Variants in TNS3 observed in about 807,000 individuals in gnomAD.
TNS3 encodes the protein tensin 3, also known as tensin-3.
In TNS3, 45 loss-of-function variants were observed where a neutral mutation model predicts 140.9. The observed-to-expected ratio is 0.32, with a 90% CI of 0.25 to 0.41. The LOEUF is 0.41. Ranked by LOEUF, TNS3 falls within the 10% of genes least tolerant of loss-of-function variation. The probability of loss-of-function intolerance (pLI) is 1.00; values close to 1 mark genes in which losing one functional copy is unlikely to be tolerated. For missense variants in TNS3, 1,716 were observed against 1,906.7 expected (o/e 0.90, Z 1.86); for synonymous variants, 815 against 788.4 (o/e 1.03, Z -0.56).
chr7:47,389,498 A>G (rs778402406), intron 16 of TNS3, among the ~76,000 whole-genome samples: 2 of 152,188 alleles, frequency 1.3e-5, no homozygotes, highest in African/African-American at 2.4e-5. Flanking sequence ...ACAACATACA[A>G]CTTGAGCCAA....
rs551771983 is a variant in TNS3, at chr7:47,358,715, A to G, written c.2281+9650T>C. On this transcript the variant is annotated intron_variant, in intron 17 of 30. Coordinates refer to ENST00000311160, the MANE Select transcript of TNS3 (RefSeq NM_022748.12). Reference sequence around the variant, plus strand: ...TGAGGCCCATGTCAAGCCACAATGCAGTGGACATGTGGCATGATTGGAAAA... The same window carrying G: ...TGAGGCCCATGTCAAGCCACAATGCGGTGGACATGTGGCATGATTGGAAAA... Among the ~76,000 whole-genome samples, 24 of 152,334 alleles carry G rather than the reference A, an allele frequency of 1.6e-4. 1 individual carries two copies. The South Asian group carries it at 4.8e-3, about 30-fold the overall frequency.
At chr7:47,463,255 G>A (rs1214727200) in intron 4 of TNS3, among the ~76,000 whole-genome samples, 6 of 152,138 alleles carry the variant, frequency 3.9e-5, no homozygotes, top group African/African-American at 1.4e-4. Context: ...GACCAGCCTG[G>A]CCAATGTGGT....
At chr7:47,414,097 C>G (rs1375717557) in intron 11 of TNS3, 100 bp from the exon 12 acceptor site, 70 of 1,271,548 alleles carry the variant, frequency 5.5e-5, no homozygotes, top group Non-Finnish European at 7.7e-5. Context: ...GACCAGGAGA[C>G]TGCACCTGCG....
At chr7:47,538,285 A>T (rs1186195983) in intron 1 of TNS3, among the ~76,000 whole-genome samples, 1 of 152,052 alleles carries the variant, frequency 6.6e-6, no homozygotes, top group African/African-American at 2.4e-5. Context: ...GTCTAAAACT[A>T]AAAGAACATG....
At chr7:47,371,527 A>G (rs555539134) in intron 16 of TNS3, among the ~76,000 whole-genome samples, 2 of 152,272 alleles carry the variant, frequency 1.3e-5, no homozygotes, top group East Asian at 3.9e-4. Flanking sequence ...ACACACCTGG[A>G]GGCTCTGTCA....
At chr7:47,443,312 C>T (rs2151586101) in intron 4 of TNS3, among the ~76,000 whole-genome samples, 1 of 152,332 alleles carries the variant, frequency 6.6e-6, no homozygotes, top group Non-Finnish European at 1.5e-5. Context: ...ATGGCCACTG[C>T]CCGTGCTGGG....
intron 2 of TNS3, among the ~76,000 whole-genome samples, chr7:47,522,634 TAA>T (rs568654468): frequency 6.6e-6 from 1 of 152,198 alleles, no homozygotes; most frequent in Non-Finnish European, 1.5e-5. Context: ...ATGTTTTTTA[TAA>T]AGAGTTTCTA....
intron 16 of TNS3, among the ~76,000 whole-genome samples, chr7:47,381,288 T>G (rs1488593186): frequency 6.6e-6 from 1 of 152,206 alleles, no homozygotes; most frequent in Admixed American, 6.5e-5. Context: ...CTGTCTTTTG[T>G]GCGGGATGTG....
Position 47,451,884 on chromosome 7 carries a change from G to A in TNS3, c.-75-9829C>T, listed in dbSNP as rs950313387. On this transcript the variant is annotated intron_variant, in intron 4 of 30. Coordinates refer to ENST00000311160, the MANE Select transcript of TNS3 (RefSeq NM_022748.12). ...GATTCCTCCACCACCCAGCACATAC[G>A]ACTTGGGGGTTCAGCACACACTCTT... is the stretch of plus-strand genomic sequence containing the variant. Among the ~76,000 whole-genome samples, 5 of 152,068 alleles carry A rather than the reference G, an allele frequency of 3.3e-5. No homozygotes were observed. The South Asian group carries it at 1.0e-3, about 32-fold the overall frequency.
upstream of TNS3, chr7:47,582,301 G>C (rs1320908529): frequency 5.2e-6 from 2 of 386,010 alleles, no homozygotes; most frequent in African/African-American, 4.2e-5. Context: ...CCGCCCTGCC[G>C]AGGTGCGCCC....
intron 3 of TNS3, among the ~76,000 whole-genome samples, chr7:47,488,462 C>T (rs983124843): frequency 6.6e-6 from 1 of 152,154 alleles, no homozygotes; most frequent in Admixed American, 6.5e-5. Context: ...CCTCCTGAGG[C>T]CTCTCTCCCG....
chr7:47,401,634 C>G (rs1452332207), intron 13 of TNS3, among the ~76,000 whole-genome samples: 2 of 152,216 alleles, frequency 1.3e-5, no homozygotes, highest in Non-Finnish European at 2.9e-5. Context: ...CCCCTCCTTG[C>G]AGATGCTTGG....
intron 17 of TNS3, among the ~76,000 whole-genome samples, chr7:47,361,858 G>A (rs1170044949): frequency 6.6e-6 from 1 of 152,078 alleles, no homozygotes; most frequent in African/African-American, 2.4e-5. Flanking sequence ...ACAGGGTGGA[G>A]GTTGATGTAA....
intron 17 of TNS3, among the ~76,000 whole-genome samples, chr7:47,352,878 T>C (rs1054953309): frequency 1.3e-5 from 2 of 152,176 alleles, no homozygotes; most frequent in African/African-American, 4.8e-5. Flanking sequence ...CCACAGCCCA[T>C]GTGCTACACC....
At chr7:47,364,823 G>A (rs1790599041) in intron 17 of TNS3, among the ~76,000 whole-genome samples, 2 of 152,126 alleles carry the variant, frequency 1.3e-5, no homozygotes, top group African/African-American at 4.8e-5. Context: ...CACTGCTCAT[G>A]GACAGTTGCT....
chr7:47,547,326 G>A (rs1176652539), intron 1 of TNS3, among the ~76,000 whole-genome samples: 2 of 152,170 alleles, frequency 1.3e-5, no homozygotes, highest in African/African-American at 4.8e-5. Flanking sequence ...CCTGTGTCGG[G>A]GAGTGGAAGG....
At chr7:47,299,834 C>T (rs1786285305) in intron 23 of TNS3, among the ~76,000 whole-genome samples, 1 of 152,194 alleles carries the variant, frequency 6.6e-6, no homozygotes, top group Admixed American at 6.5e-5. Flanking sequence ...CTGCGTGCTC[C>T]ACCCTGGCAC....
intron 1 of TNS3, among the ~76,000 whole-genome samples, chr7:47,530,838 A>AAAAAAAATATAT: frequency 1.5e-4 from 8 of 54,564 alleles, no homozygotes; most frequent in African/African-American, 6.3e-4. Context: ...AAAAAAAAAA[A>AAAAAAAATATAT]ATATATATAT....
chr7:47,424,246 G>T, intron 9 of TNS3, 62 bp from the exon 10 acceptor site: 1 of 1,539,260 alleles, frequency 6.5e-7, no homozygotes, highest in South Asian at 1.1e-5. Flanking sequence ...GTGGGTACTT[G>T]ACGGGGGATG....
Sources: gnomAD v4.1 joint callset for allele counts (sites outside exome capture counted in the v4.1 genomes callset) on GRCh38, gnomAD v4.1.1 for gene constraint, MANE v1.5 for transcripts, NCBI Gene and HGNC (gene_info 2026-07-23, HGNC 2026-07-21) for gene names.